The following SLC24A2 variants were observed in gnomAD, a reference collection of about 807,000 sequenced individuals.
SLC24A2 encodes sodium/potassium/calcium exchanger 2.
In SLC24A2, 36 loss-of-function variants were observed where a neutral mutation model predicts 62.0. The ratio of observed to expected loss-of-function variants is 0.58; its 90% CI spans 0.44 to 0.77. The LOEUF (loss-of-function observed/expected upper bound fraction) is 0.77. SLC24A2 is among the 30% of genes least tolerant of loss of function. SLC24A2 has a pLI of 0.00. For synonymous variants in SLC24A2, 358 were observed against 294.0 expected (o/e 1.22, Z -2.23); for missense variants, 846 against 817.9 (o/e 1.03, Z -0.42).
the SLC24A2 span, among the ~76,000 whole-genome samples, chr9:20,199,885 A>ATTTTTTT: frequency 2.3e-5 from 3 of 132,034 alleles, no homozygotes; most frequent in African/African-American, 2.9e-5. Context: ...TGCCTGGCTA[A>ATTTTTTT]TTTTTTTTTT....
rs376642570 is a variant in SLC24A2 at position 19,714,988 on chromosome 9, GAGA to G, written c.930+70946_930+70948del. ...TACAAAGTAATCCAAGAATTTATGTGAGAAGAAGTGGGAAAAGTCTATTTCTAA... is the reference window on the plus strand; with the variant it reads ...TACAAAGTAATCCAAGAATTTATGTGAGAAGTGGGAAAAGTCTATTTCTAA... On this transcript the variant is annotated intron_variant, in intron 2 of 10. Coordinates refer to ENST00000341998, the MANE Select transcript of SLC24A2 (RefSeq NM_020344.4). 5.1e-4 allele frequency among the ~76,000 whole-genome samples: 77 copies of G among 152,156 alleles called. 2 individuals are homozygous for G. The East Asian group carries it at 9.1e-3, about 18-fold the overall frequency.
At chr9:20,194,642 T>C in the SLC24A2 span, among the ~76,000 whole-genome samples, 3 of 152,180 alleles carry the variant, frequency 2.0e-5, no homozygotes, top group Non-Finnish European at 4.4e-5. Flanking sequence ...ATTTGGAATA[T>C]ATTATTAACA....
Position 19,768,734 on chromosome 9 carries a change from A to AGACTGTGGTT in SLC24A2, c.930+17193_930+17202dup, listed in dbSNP as rs536418273. On this transcript the variant is annotated intron_variant, in intron 2 of 10. Transcript: ENST00000341998. ...CAGGAATTTTCCATTTAACATTTTC[A>AGACTGTGGTT]GACTGTGGTTGACTGTGGTTGACCG... Among the ~76,000 whole-genome samples, 480 of 152,314 alleles carry AGACTGTGGTT rather than the reference A, an allele frequency of 3.2e-3. 1 individual carries two copies. Among genetic ancestry groups the AGACTGTGGTT allele is most frequent in the African/African-American group, 0.011 (459 of 41,574 alleles).
the SLC24A2 span, among the ~76,000 whole-genome samples, chr9:19,995,040 T>G: frequency 1.3e-5 from 2 of 150,748 alleles, no homozygotes; most frequent in East Asian, 1.9e-4. Context: ...TGGCGGATGG[T>G]GAGGGGATTT....
the SLC24A2 span, among the ~76,000 whole-genome samples, chr9:19,875,568 G>C: frequency 6.6e-6 from 1 of 152,144 alleles, no homozygotes; most frequent in Non-Finnish European, 1.5e-5. Flanking sequence ...TTATGGGGAG[G>C]TTTTCTTGGC....
chr9:20,008,409 A>G, the SLC24A2 span, among the ~76,000 whole-genome samples: 2 of 151,956 alleles, frequency 1.3e-5, no homozygotes, highest in African/African-American at 4.8e-5. Flanking sequence ...GATATTCTCT[A>G]TTGGTTTTAG....
the SLC24A2 span, among the ~76,000 whole-genome samples, chr9:19,917,369 G>A: frequency 7.7e-6 from 1 of 130,628 alleles, no homozygotes. Context: ...TTTTTTTTTG[G>A]CATTTAGTCT....
At chr9:19,987,062 T>C in the SLC24A2 span, among the ~76,000 whole-genome samples, 2 of 151,686 alleles carry the variant, frequency 1.3e-5, no homozygotes, top group Admixed American at 1.3e-4. Context: ...TAATAGACAG[T>C]GGAGGGTGGA....
At chr9:20,085,093 T>C in the SLC24A2 span, among the ~76,000 whole-genome samples, 1 of 152,148 alleles carries the variant, frequency 6.6e-6, no homozygotes, top group African/African-American at 2.4e-5. Flanking sequence ...CCTCCTGGGC[T>C]CAAACAGTAC....
intron 2 of SLC24A2, 91 bp downstream of exon 2, chr9:19,785,846 C>A (rs2118945722): frequency 6.5e-7 from 1 of 1,535,652 alleles, no homozygotes; most frequent in East Asian, 2.3e-5. Context: ...CCCCAAACAC[C>A]ATCACATCAA....
chr9:19,820,036 TATATACATATATATATATACAC>T, the SLC24A2 span, among the ~76,000 whole-genome samples: 2 of 35,708 alleles, frequency 5.6e-5, no homozygotes, highest in Non-Finnish European at 2.3e-4. Context: ...CACATATATA[TATATACATATATATATATACAC>T]ATATATATAT....
the SLC24A2 span, among the ~76,000 whole-genome samples, chr9:20,139,019 C>G: frequency 6.6e-6 from 1 of 152,214 alleles, no homozygotes; most frequent in Non-Finnish European, 1.5e-5. Flanking sequence ...CTCATGGTCA[C>G]CCTCCACTTT....
the SLC24A2 span, among the ~76,000 whole-genome samples, chr9:19,952,368 T>C: frequency 6.6e-6 from 1 of 152,058 alleles, no homozygotes. Flanking sequence ...TGGATATCCT[T>C]CAATTTTTCT....
chr9:19,758,993 T>C (rs1195129478), intron 2 of SLC24A2, among the ~76,000 whole-genome samples: 4 of 152,196 alleles, frequency 2.6e-5, no homozygotes, highest in Non-Finnish European at 1.5e-5. Flanking sequence ...CTCTTTTGTG[T>C]CAAGATTGCA....
the SLC24A2 span, among the ~76,000 whole-genome samples, chr9:20,045,123 A>G: frequency 6.6e-6 from 1 of 152,216 alleles, no homozygotes; most frequent in Non-Finnish European, 1.5e-5. Context: ...GATCGTATAG[A>G]TATACTATGC....
chr9:19,710,807 G>A (rs1453483208), intron 2 of SLC24A2, among the ~76,000 whole-genome samples: 1 of 152,138 alleles, frequency 6.6e-6, no homozygotes, highest in Non-Finnish European at 1.5e-5. Context: ...GACAAGCCAG[G>A]AGGACTGCAA....
intron 5 of SLC24A2, among the ~76,000 whole-genome samples, chr9:19,579,522 T>C (rs1836140530): frequency 6.6e-6 from 1 of 152,196 alleles, no homozygotes; most frequent in South Asian, 2.1e-4. Flanking sequence ...CTTCTTCTAA[T>C]AAAATCATCC....
intron 10 of SLC24A2, among the ~76,000 whole-genome samples, chr9:19,520,577 A>G (rs7026275): frequency 0.022 from 3,346 of 152,194 alleles, 114 homozygotes; most frequent in African/African-American, 0.077. Context: ...CCTTCTTATC[A>G]TGAAGCTATC....
At chr9:20,142,243 C>T in the SLC24A2 span, among the ~76,000 whole-genome samples, 27 of 152,000 alleles carry the variant, frequency 1.8e-4, no homozygotes, top group African/African-American at 4.1e-4. Context: ...CAATAATTAC[C>T]GATTGATTAG....
Sources: gnomAD v4.1 joint callset for allele counts (sites outside exome capture counted in the v4.1 genomes callset) on GRCh38, gnomAD v4.1.1 for gene constraint, MANE v1.5 for transcripts, NCBI Gene and HGNC (gene_info 2026-07-23, HGNC 2026-07-21) for gene names.